The following MYO1D variants were observed in gnomAD, a reference collection of about 807,000 sequenced individuals.
The protein encoded by MYO1D is myosin ID.
In MYO1D, 83 loss-of-function variants were observed where a neutral mutation model predicts 122.0. The observed-to-expected ratio is 0.68, with a 90% CI of 0.57 to 0.82. The LOEUF (loss-of-function observed/expected upper bound fraction) is 0.82, where lower values mean the gene tolerates loss of function less well. Ranked by LOEUF, MYO1D falls within the 40% of genes least tolerant of loss-of-function variation. The pLI is 0.00. For missense variants in MYO1D, 1,157 were observed against 1,269.5 expected (o/e 0.91, Z 1.35); for synonymous variants, 464 against 446.9 (o/e 1.04, Z -0.48).
At chr17:32,522,372 C>T (rs948691907) in intron 21 of MYO1D, among the ~76,000 whole-genome samples, 1 of 152,106 alleles carries the variant, frequency 6.6e-6, no homozygotes, top group African/African-American at 2.4e-5. Context: ...AAAATGGGTC[C>T]CCCATTGGTG....
chr17:32,791,256 C>T (rs1378598778), intron 1 of MYO1D, among the ~76,000 whole-genome samples: 4 of 149,132 alleles, frequency 2.7e-5, no homozygotes, highest in South Asian at 2.1e-4. Flanking sequence ...CTCAGCTACT[C>T]GGGAGGCTGA....
chr17:32,655,459 T>C (rs1035678867), intron 17 of MYO1D, among the ~76,000 whole-genome samples: 4 of 152,076 alleles, frequency 2.6e-5, no homozygotes, highest in African/African-American at 4.8e-5. Flanking sequence ...GTGTGGTTTA[T>C]ATAGGGTGGT....
At chr17:32,584,107 TCCTA>T (rs2087365549) in intron 21 of MYO1D, among the ~76,000 whole-genome samples, 1 of 152,132 alleles carries the variant, frequency 6.6e-6, no homozygotes, top group Non-Finnish European at 1.5e-5. Context: ...TCCAGCTGTG[TCCTA>T]CCTTTTGGGG....
At chr17:32,753,593 T>C (rs2089919346) in intron 11 of MYO1D, among the ~76,000 whole-genome samples, 1 of 152,188 alleles carries the variant, frequency 6.6e-6, no homozygotes, top group South Asian at 2.1e-4. Flanking sequence ...ATGTGGTATG[T>C]ACAGTTACTC....
chr17:32,709,609 A>G (rs572308072), intron 16 of MYO1D, among the ~76,000 whole-genome samples: 462 of 152,280 alleles, frequency 3.0e-3, no homozygotes, highest in Non-Finnish European at 5.4e-3. Flanking sequence ...TTTTGGGATG[A>G]AACAGAATTT....
At chr17:32,824,499 G>A (rs2090704161) in intron 1 of MYO1D, among the ~76,000 whole-genome samples, 1 of 152,174 alleles carries the variant, frequency 6.6e-6, no homozygotes, top group Non-Finnish European at 1.5e-5. Flanking sequence ...AGAGTTTGGG[G>A]TTCTGTGCCA....
At chr17:32,788,097 C>G (rs1284165835) in intron 1 of MYO1D, among the ~76,000 whole-genome samples, 4 of 152,050 alleles carry the variant, frequency 2.6e-5, no homozygotes, top group Non-Finnish European at 5.9e-5. Context: ...GACCTCTTTT[C>G]CTTTGGGTAG....
At chr17:32,651,674 C>CTT (rs869114531) in intron 19 of MYO1D, among the ~76,000 whole-genome samples, 23 of 134,100 alleles carry the variant, frequency 1.7e-4, no homozygotes, top group Middle Eastern at 3.8e-3. Flanking sequence ...CTTTTTCCCA[C>CTT]TTTTTTTTTT....
intron 20 of MYO1D, among the ~76,000 whole-genome samples, chr17:32,621,886 C>T (rs1470825708): frequency 2.0e-5 from 3 of 152,212 alleles, no homozygotes; most frequent in Non-Finnish European, 2.9e-5. Flanking sequence ...TGTGAGGATA[C>T]AATGAGAAGG....
At chr17:32,830,841 C>T (rs1291820657) in intron 1 of MYO1D, among the ~76,000 whole-genome samples, 1 of 152,102 alleles carries the variant, frequency 6.6e-6, no homozygotes, top group Non-Finnish European at 1.5e-5. Flanking sequence ...GGGCAGATCA[C>T]GAAGTCAGGA....
At chr17:32,831,248 T>G (rs1173862561) in intron 1 of MYO1D, among the ~76,000 whole-genome samples, 1 of 152,164 alleles carries the variant, frequency 6.6e-6, no homozygotes, top group African/African-American at 2.4e-5. Flanking sequence ...AGAAAGAGAA[T>G]AACATTTTTT....
chr17:32,617,785 A>C (rs1034480606), intron 20 of MYO1D, among the ~76,000 whole-genome samples: 1 of 152,224 alleles, frequency 6.6e-6, no homozygotes, highest in Non-Finnish European at 1.5e-5. Context: ...ACAGTAACAG[A>C]GAGAAACCTT....
intron 8 of MYO1D, among the ~76,000 whole-genome samples, 169 bp downstream of exon 8, chr17:32,764,709 T>G (rs2090037334): frequency 1.3e-5 from 2 of 152,202 alleles, no homozygotes; most frequent in Admixed American, 6.5e-5. Context: ...GCAGTGATGC[T>G]TACTTACATC....
chr17:32,590,894 A>T (rs1434649437), intron 21 of MYO1D, among the ~76,000 whole-genome samples: 1 of 152,234 alleles, frequency 6.6e-6, no homozygotes, highest in Non-Finnish European at 1.5e-5. Context: ...GGCCTTTAAA[A>T]AGTAATATGA....
chr17:32,502,611 C>T (rs1206223529), intron 21 of MYO1D, among the ~76,000 whole-genome samples: 1 of 152,062 alleles, frequency 6.6e-6, no homozygotes, highest in Non-Finnish European at 1.5e-5. Context: ...TTAGAATTTG[C>T]CTTCAAACCA....
In MYO1D at chr17:32,627,561, AC is replaced by A. The variant is rs1379466991; in HGVS notation, c.2709+11160del. On this transcript the variant is annotated intron_variant, in intron 20 of 21. Coordinates refer to ENST00000318217, the MANE Select transcript of MYO1D (RefSeq NM_015194.3). ...GCATAATTACAGTCCATTTACCTTTACAAAACAGTCACATCGGTTCAGATAA... is the reference window on the plus strand; with the variant it reads ...GCATAATTACAGTCCATTTACCTTTAAAAACAGTCACATCGGTTCAGATAA... Among the ~76,000 whole-genome samples the A allele has an allele frequency of 2.6e-5, 4 of 152,130 alleles. No homozygotes were observed. In the East Asian group the frequency reaches 7.7e-4, roughly 29 times the overall value.
At chr17:32,531,750 C>A (rs1334338194) in intron 21 of MYO1D, among the ~76,000 whole-genome samples, 1 of 152,140 alleles carries the variant, frequency 6.6e-6, no homozygotes, top group Non-Finnish European at 1.5e-5. Context: ...GAAGGCTTGG[C>A]TAGATTATTC....
At chr17:32,818,690 C>T (rs1027653909) in intron 1 of MYO1D, among the ~76,000 whole-genome samples, 6 of 152,172 alleles carry the variant, frequency 3.9e-5, no homozygotes, top group Non-Finnish European at 8.8e-5. Flanking sequence ...CTTGCTATAG[C>T]GATCTTGGGC....
In MYO1D at chr17:32,654,461, GT is replaced by G. The variant is rs1303613406; in HGVS notation, c.2490+15del. 4 of 1,581,794 alleles carry G rather than the reference GT, an allele frequency of 2.5e-6. No individual in the cohort carries two copies. The highest frequency in any genetic ancestry group is 3.4e-6 in the Non-Finnish European group (4 of 1,164,684). On this transcript the variant is annotated intron_variant, in intron 18 of 21. Transcript: ENST00000318217. The stretch of plus-strand genomic sequence containing the variant: ...AGGAAGTAGAAGTAGATTTCACTTT[GT>G]TCCCTTGGACTTACTGAAGCAAGAT...
Sources: allele counts gnomAD v4.1 joint callset (sites outside exome capture counted in the v4.1 genomes callset), GRCh38; gene constraint gnomAD v4.1.1; transcripts MANE v1.5; gene names NCBI Gene and HGNC (gene_info 2026-07-23, HGNC 2026-07-21).